The following TTC28 variants were observed in gnomAD, a reference collection of about 807,000 sequenced individuals.
TTC28 encodes the protein tetratricopeptide repeat protein 28.
Under a neutral mutation model 198.0 loss-of-function variants are expected in TTC28, and 61 were observed. The observed-to-expected ratio is 0.31, with a 90% confidence interval of 0.25 to 0.38. The LOEUF (loss-of-function observed/expected upper bound fraction) is 0.38, where lower values mean the gene tolerates loss of function less well. Ranked by LOEUF, TTC28 falls within the 10% of genes least tolerant of loss-of-function variation. The pLI is 1.00. For synonymous variants in TTC28, 1,171 were observed against 1,297.8 expected, an observed-to-expected ratio of 0.90 and a Z score of 2.10; for missense variants, 2,678 against 3,164.0, an observed-to-expected ratio of 0.85 and a Z score of 3.69.
chr22:28,214,000 G>A (rs1927158315), intron 5 of TTC28, among the ~76,000 whole-genome samples: 1 of 152,090 alleles, frequency 6.6e-6, no homozygotes, highest in South Asian at 2.1e-4. Flanking sequence ...TCTGATCTTT[G>A]ACAAAACTGA....
chr22:28,584,075 G>C (rs1478866889), intron 2 of TTC28, among the ~76,000 whole-genome samples: 11 of 149,984 alleles, frequency 7.3e-5, no homozygotes, highest in African/African-American at 2.7e-4. Context: ...AAACTCCTGG[G>C]CTCAAGCGAT....
At chr22:28,543,096 A>G (rs2049452626) in intron 2 of TTC28, among the ~76,000 whole-genome samples, 1 of 152,188 alleles carries the variant, frequency 6.6e-6, no homozygotes, top group Non-Finnish European at 1.5e-5. Context: ...GCACTTTGGG[A>G]GGCCAAGTTG....
chr22:28,127,660 A>C (rs1461043128), intron 6 of TTC28, among the ~76,000 whole-genome samples: 1 of 152,178 alleles, frequency 6.6e-6, no homozygotes, highest in Admixed American at 6.6e-5. Flanking sequence ...GGGTTAATAA[A>C]ATATATTATT....
intron 2 of TTC28, among the ~76,000 whole-genome samples, chr22:28,389,820 G>A (rs2046684534): frequency 1.3e-5 from 2 of 150,554 alleles, no homozygotes; most frequent in South Asian, 4.2e-4. Flanking sequence ...TTTTTTGAAG[G>A]GTTTTTTGTG....
chr22:28,102,170 A>G (rs186457733), intron 8 of TTC28, among the ~76,000 whole-genome samples: 3 of 152,358 alleles, frequency 2.0e-5, no homozygotes, highest in Non-Finnish European at 4.4e-5. Flanking sequence ...CACAGCATCC[A>G]ATGAGTGTTA....
chr22:28,079,144 G>A (rs892274518), intron 12 of TTC28, among the ~76,000 whole-genome samples: 3 of 152,082 alleles, frequency 2.0e-5, no homozygotes, highest in African/African-American at 7.2e-5. Flanking sequence ...CTTTGTGGTG[G>A]GTAGGAGGGC....
chr22:28,047,517 G>A (rs1224038081), intron 12 of TTC28, among the ~76,000 whole-genome samples: 10 of 152,192 alleles, frequency 6.6e-5, no homozygotes, highest in Non-Finnish European at 8.8e-5. Flanking sequence ...CCTGGGTCCA[G>A]CAAGCCGCAG....
intron 5 of TTC28, among the ~76,000 whole-genome samples, chr22:28,171,534 C>T (rs577932257): frequency 1.5e-4 from 22 of 151,604 alleles, no homozygotes; most frequent in Admixed American, 5.3e-4. Flanking sequence ...TGATTTTCTA[C>T]CCTATTTTCT....
chr22:28,230,684 A>T (rs1487103381), intron 5 of TTC28, among the ~76,000 whole-genome samples: 1 of 152,158 alleles, frequency 6.6e-6, no homozygotes, highest in African/African-American at 2.4e-5. Context: ...TTTCCCTTAG[A>T]CGTATATCCT....
chr22:28,489,316 C>A (rs889295316), intron 2 of TTC28, among the ~76,000 whole-genome samples: 1 of 145,944 alleles, frequency 6.9e-6, no homozygotes, highest in Non-Finnish European at 1.5e-5. Context: ...AAAAAAAAAA[C>A]ACACACATTA....
chr22:28,482,280 C>T (rs1385855032), intron 2 of TTC28, among the ~76,000 whole-genome samples: 1 of 129,490 alleles, frequency 7.7e-6, no homozygotes, highest in Non-Finnish European at 1.5e-5. Flanking sequence ...GGCGCGATCT[C>T]GGCTCACTGC....
chr22:28,446,475 T>C (rs980006770), intron 2 of TTC28, among the ~76,000 whole-genome samples: 4 of 152,160 alleles, frequency 2.6e-5, no homozygotes, highest in Non-Finnish European at 5.9e-5. Flanking sequence ...GTTCGGATCA[T>C]GGGGCTGGAT....
rs565539195 is a variant in TTC28, at chr22:28,137,972, G to T, written c.1441+25120C>A. 2.0e-5 allele frequency among the ~76,000 whole-genome samples: 3 copies of T among 152,176 alleles called. No homozygotes were observed. In the South Asian group the frequency reaches 6.2e-4, roughly 32 times the overall value. ...AGAGGTTGCAGTGAGCCGAGATCGCGCCACTGCACTCCAGCCTGGGTGACA... is the reference window on the plus strand; with the variant it reads ...AGAGGTTGCAGTGAGCCGAGATCGCTCCACTGCACTCCAGCCTGGGTGACA... On this transcript the variant is annotated intron_variant, in intron 6 of 22. Transcript: ENST00000397906.
chr22:28,618,150 C>T (rs945021612), intron 2 of TTC28, among the ~76,000 whole-genome samples: 20 of 151,974 alleles, frequency 1.3e-4, no homozygotes, highest in Non-Finnish European at 1.9e-4. Context: ...TGGTGGGTGC[C>T]TGTAATCCTA....
intron 2 of TTC28, among the ~76,000 whole-genome samples, chr22:28,362,582 CA>C (rs2046176115): frequency 5.3e-5 from 8 of 152,196 alleles, no homozygotes; most frequent in Admixed American, 4.6e-4. Flanking sequence ...CTGGAGGGCT[CA>C]GAAGAAGACA....
chr22:28,435,985 A>G (rs1019887886), intron 2 of TTC28, among the ~76,000 whole-genome samples: 4 of 152,188 alleles, frequency 2.6e-5, no homozygotes, highest in African/African-American at 7.2e-5. Context: ...GGAAGTTCAC[A>G]TAACATAGAA....
intron 2 of TTC28, among the ~76,000 whole-genome samples, chr22:28,559,067 T>C (rs1048518199): frequency 6.6e-6 from 1 of 152,160 alleles, no homozygotes; most frequent in African/African-American, 2.4e-5. Context: ...TCGGTTTATT[T>C]ATTTCCAAGT....
In TTC28 at chr22:28,652,844, A is replaced by ATTTGCCCAGTTG. The variant is rs1259048464; in HGVS notation, c.103-23015_103-23014insCAACTGGGCAAA. The stretch of plus-strand genomic sequence containing the variant: ...ACAAAAGGAAACTGACAGCATCTTT[A>ATTTGCCCAGTTG]CCATTTGCCCAACTGATCCCTATTG... On this transcript the variant is annotated intron_variant, in intron 1 of 22. Transcript: ENST00000397906. 3.9e-5 allele frequency among the ~76,000 whole-genome samples: 6 copies of ATTTGCCCAGTTG among 152,266 alleles called. No individual in the cohort carries two copies. The South Asian group carries it at 1.2e-3, about 32-fold the overall frequency.
At chr22:28,200,967 CTT>C (rs1925878653) in intron 5 of TTC28, among the ~76,000 whole-genome samples, 1 of 152,052 alleles carries the variant, frequency 6.6e-6, no homozygotes, top group African/African-American at 2.4e-5. Context: ...CTCTATTGTT[CTT>C]GTTTTCCCAT....
Sources: gnomAD v4.1 joint callset for allele counts (sites outside exome capture counted in the v4.1 genomes callset) on GRCh38, gnomAD v4.1.1 for gene constraint, MANE v1.5 for transcripts, NCBI Gene and HGNC (gene_info 2026-07-23, HGNC 2026-07-21) for gene names.